Variants in OPCML observed in about 807,000 individuals in gnomAD.
OPCML encodes opioid-binding protein/cell adhesion molecule.
Under a neutral mutation model 37.8 loss-of-function variants are expected in OPCML, and 13 were observed. The ratio of observed to expected loss-of-function variants is 0.34; its 90% CI spans 0.22 to 0.55. OPCML has a LOEUF of 0.55. OPCML is among the 20% of genes least tolerant of loss of function. The pLI is 0.91. For synonymous variants in OPCML, 176 were observed against 168.8 expected (o/e 1.04, Z -0.33); for missense variants, 341 against 435.6 (o/e 0.78, Z 1.93).
At position 133,359,087 on chromosome 11, in the gene OPCML, C is replaced by A. The variant is rs181314493; in HGVS notation, c.61+173177G>T. On this transcript the variant is annotated intron_variant, in intron 1 of 7. Coordinates refer to ENST00000524381, the MANE Select transcript of OPCML (RefSeq NM_001012393.5). ...AGAGGAATTTGAAAAGAGAACTTAA[C>A]TTACGGTCCCCAGACACAGCTCTGA... 2.0e-4 allele frequency among the ~76,000 whole-genome samples: 30 copies of A among 152,312 alleles called. No individual in the cohort carries two copies. In the East Asian group the frequency reaches 5.2e-3, roughly 26 times the overall value.
At chr11:133,448,185 A>G (rs986001622) in intron 1 of OPCML, among the ~76,000 whole-genome samples, 10 of 152,242 alleles carry the variant, frequency 6.6e-5, no homozygotes, top group Admixed American at 1.3e-4. Context: ...ATTTAAATCT[A>G]CAATCTATTT....
At chr11:132,977,406 C>A (rs11223305) in intron 1 of OPCML, among the ~76,000 whole-genome samples, 10,424 of 152,200 alleles carry the variant, frequency 0.068, 838 homozygotes, top group East Asian at 0.34. Flanking sequence ...CCAAAATACC[C>A]AGAATCTGGA....
intron 4 of OPCML, among the ~76,000 whole-genome samples, chr11:132,437,687 C>T (rs1009196410): frequency 1.4e-4 from 21 of 152,048 alleles, no homozygotes; most frequent in African/African-American, 5.1e-4. Flanking sequence ...CAGTGCATTG[C>T]CAAACTGATA....
chr11:132,713,312 G>A lies in OPCML; in HGVS notation c.147-55993C>T, dbSNP rs150884414. ...GGTGCAACAGTTCATGGTAACTGCCGTAAATTCCAATTACCTTTCCTGATT... is the reference window on the plus strand; with the variant it reads ...GGTGCAACAGTTCATGGTAACTGCCATAAATTCCAATTACCTTTCCTGATT... On this transcript the variant is annotated intron_variant, in intron 2 of 7. Coordinates refer to ENST00000524381, the MANE Select transcript of OPCML (RefSeq NM_001012393.5). Among the ~76,000 whole-genome samples, 133 of 152,254 alleles carry A rather than the reference G, an allele frequency of 8.7e-4. 1 individual carries two copies. In the South Asian group the frequency reaches 0.011, roughly 13 times the overall value.
At chr11:132,704,441 G>T (rs985838309) in intron 2 of OPCML, among the ~76,000 whole-genome samples, 2 of 152,162 alleles carry the variant, frequency 1.3e-5, no homozygotes, top group East Asian at 3.9e-4. Flanking sequence ...AGTAAGGCAG[G>T]TCTAGAAAGC....
chr11:133,347,170 C>T lies in OPCML; in HGVS notation c.61+185094G>A, dbSNP rs370342379. ...TTGCTCTTCAAAACTTAGCCATAGG[C>T]TTGTGCCTTTGCTTCAGTTTTAAGC... On this transcript the variant is annotated intron_variant, in intron 1 of 7. Transcript: ENST00000524381. Among the ~76,000 whole-genome samples, 142 of 152,306 alleles carry T rather than the reference C, an allele frequency of 9.3e-4. 1 individual carries two copies. The highest frequency in any genetic ancestry group is 3.4e-3 in the Middle Eastern group (1 of 294).
At chr11:132,526,701 T>A (rs1211414313) in intron 4 of OPCML, among the ~76,000 whole-genome samples, 3 of 152,184 alleles carry the variant, frequency 2.0e-5, no homozygotes, top group Non-Finnish European at 2.9e-5. Context: ...AAAATTCAGA[T>A]CATTATTGTC....
Position 132,454,683 on chromosome 11 carries a change from C to T in OPCML, c.506-17324G>A, listed in dbSNP as rs182193876. 1.3e-4 allele frequency among the ~76,000 whole-genome samples: 20 copies of T among 152,252 alleles called. No individual in the cohort carries two copies. The East Asian group carries it at 3.9e-3, about 29-fold the overall frequency. The stretch of plus-strand genomic sequence containing the variant: ...TTTCTGTAACCTATTAAATTTTGCC[C>T]ATTACAGAGAGGAGAGAAGGGCTGC... On this transcript the variant is annotated intron_variant, in intron 4 of 7. Coordinates refer to ENST00000524381, the MANE Select transcript of OPCML (RefSeq NM_001012393.5).
At chr11:133,229,327 A>G (rs1940174672) in intron 1 of OPCML, among the ~76,000 whole-genome samples, 2 of 152,158 alleles carry the variant, frequency 1.3e-5, no homozygotes, top group South Asian at 4.1e-4. Flanking sequence ...ATTATTTGGA[A>G]AATCCTGACC....
chr11:133,239,455 A>G (rs1486138355), intron 1 of OPCML, among the ~76,000 whole-genome samples: 6 of 152,192 alleles, frequency 3.9e-5, no homozygotes, highest in Admixed American at 1.3e-4. Context: ...AGAGAGAAAA[A>G]GCCTGCAAAA....
intron 2 of OPCML, among the ~76,000 whole-genome samples, chr11:132,905,657 T>G (rs1944214499): frequency 6.6e-6 from 1 of 151,978 alleles, no homozygotes; most frequent in Non-Finnish European, 1.5e-5. Flanking sequence ...AAGAGACCAA[T>G]TTCACTTTAG....
In OPCML at chr11:132,843,092, C is replaced by T. The variant is rs199728371; in HGVS notation, c.146+99834G>A. 9.6e-3 allele frequency among the ~76,000 whole-genome samples: 1,184 copies of T among 123,198 alleles called. 41 individuals carry two copies. Among genetic ancestry groups the T allele is most frequent in the African/African-American group, 0.013 (416 of 31,840 alleles). 80.8% of individuals were successfully genotyped at this position (123,198 alleles called of 152,430 possible). ...TTTAAAGTGTGGTTCCTTTTTCTTT[C>T]TTTTTTTTTTTTTTTGAGATGGAAT... is the stretch of plus-strand genomic sequence containing the variant. On this transcript the variant is annotated intron_variant, in intron 2 of 7. Transcript: ENST00000524381.
At chr11:132,680,155 C>T (rs973314114) in intron 2 of OPCML, among the ~76,000 whole-genome samples, 8 of 152,192 alleles carry the variant, frequency 5.3e-5, no homozygotes, top group African/African-American at 1.2e-4. Context: ...GCTGAGTGGC[C>T]GTGATCAAGC....
At chr11:133,151,234 C>G (rs547508156) in intron 1 of OPCML, among the ~76,000 whole-genome samples, 7 of 152,122 alleles carry the variant, frequency 4.6e-5, no homozygotes, top group African/African-American at 1.7e-4. Flanking sequence ...GATTATGCCA[C>G]TGCACTCCAG....
chr11:132,528,975 T>C, intron 4 of OPCML, 86 bp downstream of exon 4: 1 of 722,254 alleles, frequency 1.4e-6, no homozygotes. Context: ...TACAAAATGT[T>C]TTCTGATTCC....
At chr11:133,466,390 CATT>C (rs751242067) in intron 1 of OPCML, among the ~76,000 whole-genome samples, 5 of 152,194 alleles carry the variant, frequency 3.3e-5, no homozygotes, top group African/African-American at 9.7e-5. Flanking sequence ...AAGGCAAACT[CATT>C]GTTGTTATGG....
intron 1 of OPCML, among the ~76,000 whole-genome samples, chr11:133,111,811 A>G (rs1255504506): frequency 1.5e-4 from 23 of 152,190 alleles, no homozygotes; most frequent in Non-Finnish European, 1.2e-4. Flanking sequence ...ATCATTTCCT[A>G]GGGAATTGCA....
chr11:132,432,247 G>A (rs953478249), intron 7 of OPCML, among the ~76,000 whole-genome samples: 131 of 152,276 alleles, frequency 8.6e-4, no homozygotes, highest in African/African-American at 3.0e-3. Context: ...AAAAGGAAAA[G>A]CACTTAGTCT....
At chr11:132,524,841 C>T (rs549212253) in intron 4 of OPCML, among the ~76,000 whole-genome samples, 186 of 152,308 alleles carry the variant, frequency 1.2e-3, no homozygotes, top group Admixed American at 3.1e-3. Flanking sequence ...AAAACTTTTA[C>T]CCTCCTTTGG....
Sources: allele counts gnomAD v4.1 joint callset (sites outside exome capture counted in the v4.1 genomes callset), GRCh38; gene constraint gnomAD v4.1.1; transcripts MANE v1.5; gene names NCBI Gene and HGNC (gene_info 2026-07-23, HGNC 2026-07-21).